The following NDST1 variants were observed in gnomAD, a reference collection of about 807,000 sequenced individuals.
NDST1 encodes the protein N-deacetylase and N-sulfotransferase 1, also known as bifunctional heparan sulfate N-deacetylase/N-sulfotransferase 1.
Under a neutral mutation model 92.8 loss-of-function variants are expected in NDST1, and 35 were observed. That is an observed-to-expected ratio of 0.38 (90% CI 0.29 to 0.50). The LOEUF is 0.50. Ranked by LOEUF, NDST1 falls within the 20% of genes least tolerant of loss-of-function variation. The probability of loss-of-function intolerance (pLI) is 0.94; values close to 1 mark genes in which losing one functional copy is unlikely to be tolerated. For missense variants in NDST1, 822 were observed against 1,182.7 expected, an observed-to-expected ratio of 0.69 and a Z score of 4.47; for synonymous variants, 493 against 500.3, an observed-to-expected ratio of 0.99 and a Z score of 0.19.
intron 1 of NDST1, among the ~76,000 whole-genome samples, chr5:150,519,821 C>T (rs929060403): frequency 6.6e-6 from 1 of 152,090 alleles, no homozygotes; most frequent in African/African-American, 2.4e-5. Context: ...ACAATTGGGG[C>T]CTTTGTGTCG....
chr5:150,539,196 A>C, intron 6 of NDST1, 32 bp from the exon 7 acceptor site: 4 of 1,541,444 alleles, frequency 2.6e-6, no homozygotes, highest in Non-Finnish European at 2.7e-6. Flanking sequence ...GCCAGAAGGC[A>C]CCATAGCTCC....
intron 1 of NDST1, among the ~76,000 whole-genome samples, chr5:150,502,531 G>T (rs1228935676): frequency 6.6e-6 from 1 of 152,048 alleles, no homozygotes; most frequent in Non-Finnish European, 1.5e-5. Flanking sequence ...GGAGGGGCAT[G>T]GTGCACATGG....
rs202203750 is a variant in NDST1, at chr5:150,541,606, T to G, written c.1786T>G (p.Ser596Ala). Residue 596 changes from serine to alanine, a missense_variant, in exon 9 of 15, where the codon TCC becomes GCC. Ser to Ala is a moderately conservative substitution (Grantham distance 99). Coordinates refer to ENST00000261797, the MANE Select transcript of NDST1 (RefSeq NM_001543.5). ...GGACAAACGTCACAAAGACATCTGG[T>G]CCAAGGAGAAGACGTGTGACCGCTT... ...CEDKRHKDIW[S>A]KEKTCDRFPK... 6.2e-7 allele frequency: 1 copy of G among 1,614,120 alleles called. No homozygotes were observed. The highest frequency in any genetic ancestry group is 8.5e-7 in the Non-Finnish European group (1 of 1,180,024).
intron 1 of NDST1, among the ~76,000 whole-genome samples, chr5:150,502,408 G>A (rs936368404): frequency 2.0e-5 from 3 of 152,196 alleles, no homozygotes; most frequent in African/African-American, 7.2e-5. Flanking sequence ...TGGAAGGACA[G>A]TTGGACAGTA....
Position 150,545,663 on chromosome 5 carries a change from G to T in NDST1, c.2145+177G>T, listed in dbSNP as rs570388169. 3.3e-5 allele frequency among the ~76,000 whole-genome samples: 5 copies of T among 152,372 alleles called. No individual in the cohort carries two copies. The East Asian group carries it at 9.6e-4, about 29-fold the overall frequency. The stretch of plus-strand genomic sequence containing the variant: ...GAGTCCTTGGTGGAGGAGACAGGCG[G>T]AAATGGAAAGCCAGCCACCAGTTGA... On this transcript the variant is annotated intron_variant, in intron 11 of 14. Coordinates refer to ENST00000261797, the MANE Select transcript of NDST1 (RefSeq NM_001543.5).
Position 150,534,908 on chromosome 5 carries a change from T to G in NDST1, c.1138T>G (p.Tyr380Asp). 1 of 1,614,256 alleles carries G rather than the reference T, an allele frequency of 6.2e-7. No individual in the cohort carries two copies. The highest frequency in any genetic ancestry group is 8.5e-7 in the Non-Finnish European group (1 of 1,180,040). Residue 380 changes from tyrosine to aspartate, a missense_variant, in exon 5 of 15, where the codon TAT becomes GAT. Transcript: ENST00000261797. ...CGCTGGGGATGATCTGCTGCTGTCGTATGTGAAGGAGTTCTGGTGGTTCCC... is the reference window on the plus strand; with the variant it reads ...CGCTGGGGATGATCTGCTGCTGTCGGATGTGAAGGAGTTCTGGTGGTTCCC... ...EDAGDDLLLSYVKEFWWFPHM... is the reference protein window; with the variant it reads ...EDAGDDLLLSDVKEFWWFPHM...
chr5:150,539,953 G>T, intron 7 of NDST1, 129 bp from the exon 8 acceptor site: 1 of 1,307,828 alleles, frequency 7.6e-7, no homozygotes, highest in Non-Finnish European at 1.1e-6. Flanking sequence ...TGTTGACAGC[G>T]CCAGCGTAAC....
upstream of NDST1, among the ~76,000 whole-genome samples, chr5:150,505,860 G>A (rs1202790695): frequency 6.6e-6 from 1 of 152,096 alleles, no homozygotes; most frequent in African/African-American, 2.4e-5. Context: ...GCTCACTGCG[G>A]CCTTGAATGC....
chr5:150,552,890 A>G (rs1755783254), intron 14 of NDST1, among the ~76,000 whole-genome samples: 1 of 152,130 alleles, frequency 6.6e-6, no homozygotes, highest in African/African-American at 2.4e-5. Flanking sequence ...TTTGTCACCC[A>G]GGCTGGAGTG....
chr5:150,545,337 T>G lies in NDST1; in HGVS notation c.1996T>G (p.Ser666Ala). The change falls in exon 11 of 15, where the codon TCC becomes GCC. Residue 666 changes from serine to alanine, a missense_variant. By Grantham distance (99) the Ser-to-Ala change is moderately conservative. Coordinates refer to ENST00000261797, the MANE Select transcript of NDST1 (RefSeq NM_001543.5). ...DWYMEFFPIP[S>A]NTTSDFYFEK... ...GTACATGGAGTTCTTCCCCATCCCTTCCAACACCACCTCCGACTTCTACTT... is the reference window on the plus strand; with the variant it reads ...GTACATGGAGTTCTTCCCCATCCCTGCCAACACCACCTCCGACTTCTACTT... The G allele has an allele frequency of 6.2e-7, 1 of 1,614,226 alleles. No homozygotes were observed. The highest frequency in any genetic ancestry group is 1.7e-5 in the Admixed American group (1 of 60,032).
Position 150,551,846 on chromosome 5 carries a change from G to A in NDST1, c.2520G>A (p.Met840Ile). Reference sequence around the variant, plus strand: ...GCAAGGGCCGGAAATATCCCGAGATGGACTTGGATGTAAGTGGTGGACACA... The same window carrying A: ...GCAAGGGCCGGAAATATCCCGAGATAGACTTGGATGTAAGTGGTGGACACA... ...GKSKGRKYPEMDLDSRAFLKD... is the reference protein window; with the variant it reads ...GKSKGRKYPEIDLDSRAFLKD... The change falls in exon 14 of 15, where the codon ATG becomes ATA. Residue 840 changes from methionine (M) to isoleucine (I), a missense_variant. Transcript: ENST00000261797. The A allele has an allele frequency of 6.2e-7, 1 of 1,613,140 alleles. No homozygotes were observed. The highest frequency in any genetic ancestry group is 8.5e-7 in the Non-Finnish European group (1 of 1,179,254).
intron 4 of NDST1, among the ~76,000 whole-genome samples, chr5:150,534,065 A>G (rs1754870113): frequency 6.7e-6 from 1 of 149,654 alleles, no homozygotes; most frequent in South Asian, 2.1e-4. Flanking sequence ...CCTGGGTGAC[A>G]GAGTAAGACT....
chr5:150,545,241 C>A, intron 10 of NDST1, 71 bp from the exon 11 acceptor site: 1 of 1,567,802 alleles, frequency 6.4e-7, no homozygotes, highest in Non-Finnish European at 8.8e-7. Flanking sequence ...GTGCCTCGCC[C>A]TTGTGCTGCA....
intron 1 of NDST1, among the ~76,000 whole-genome samples, chr5:150,516,618 T>G (rs772416236): frequency 2.0e-5 from 3 of 152,188 alleles, no homozygotes; most frequent in Non-Finnish European, 4.4e-5. Context: ...TCTAGGACTT[T>G]AGGTCTGTGG....
rs1005315920 is a variant in NDST1, at chr5:150,554,093, G to T, written c.*761G>T. 2.5e-6 allele frequency: 1 copy of T among 401,724 alleles called. No homozygotes were observed. Among genetic ancestry groups the T allele is most frequent in the African/African-American group, 2.1e-5 (1 of 48,528 alleles). The allele number at this position is 401,724 out of a possible 1,614,324, so 24.9% of individuals were successfully genotyped here. A position where few individuals can be genotyped will look rare whatever the true frequency, so the allele number is the denominator to read the frequency against. Reference sequence around the variant, plus strand: ...GGTAAAAGACTGAGGCAGGCCAGGGGTCTGCCAGTAACATGTTCCCATGTA... The same window carrying T: ...GGTAAAAGACTGAGGCAGGCCAGGGTTCTGCCAGTAACATGTTCCCATGTA... On this transcript the variant is annotated 3_prime_UTR_variant, in exon 15 of 15. Coordinates refer to ENST00000261797, the MANE Select transcript of NDST1 (RefSeq NM_001543.5).
intron 1 of NDST1, among the ~76,000 whole-genome samples, chr5:150,520,076 C>T (rs921032215): frequency 2.6e-4 from 39 of 152,194 alleles, no homozygotes; most frequent in African/African-American, 8.7e-4. Flanking sequence ...CCTGTGGGTA[C>T]GTACCCCGAG....
In NDST1 at chr5:150,521,583, A is replaced by G; in HGVS notation, c.329A>G (p.Lys110Arg). ...GCCATCCTGGAGTCCAGCCGCTTCA[A>G]ATACCGCACAGAGATTGCGCCGGGC... is the stretch of plus-strand genomic sequence containing the variant. ...VVAILESSRF[K>R]YRTEIAPGKG... Residue 110 changes from lysine (K) to arginine (R), a missense_variant, in exon 2 of 15, where the codon AAA (lysine) becomes AGA (arginine). Lys to Arg is a conservative substitution (Grantham distance 26, BLOSUM62 2). Transcript: ENST00000261797. This position sits in a 1 kb window ranked among gnomAD's most constrained non-coding sequence, Gnocchi z 5.9. 1.2e-6 allele frequency: 2 copies of G among 1,613,998 alleles called. No homozygotes were observed. The highest frequency in any genetic ancestry group is 1.3e-5 in the African/African-American group (1 of 75,034).
rs753638855 is a variant in NDST1 at position 150,555,753 on chromosome 5, G to C, written c.*2421G>C. ...CTCGCAGAGCATGGAAGGCAGGAGA[G>C]GTGGGCTGGCCTAGGGCAGGAGCTC... is the stretch of plus-strand genomic sequence containing the variant. On this transcript the variant is annotated 3_prime_UTR_variant, in exon 15 of 15. Coordinates refer to ENST00000261797, the MANE Select transcript of NDST1 (RefSeq NM_001543.5). The C allele has an allele frequency of 1.3e-5, 2 of 152,278 alleles. No individual in the cohort carries two copies. Among genetic ancestry groups the C allele is most frequent in the Non-Finnish European group, 2.9e-5 (2 of 68,068 alleles). The allele number at this position is 152,278 out of a possible 1,614,324, so 9.4% of individuals were successfully genotyped here.
intron 6 of NDST1, among the ~76,000 whole-genome samples, chr5:150,537,066 G>T (rs1438121501): frequency 2.0e-5 from 3 of 152,246 alleles, no homozygotes; most frequent in Non-Finnish European, 4.4e-5. Context: ...AGATTTCATG[G>T]ACATTTATCG....
Sources: allele counts gnomAD v4.1 joint callset (sites outside exome capture counted in the v4.1 genomes callset), GRCh38; gene constraint gnomAD v4.1.1; non-coding constraint Gnocchi (gnomAD v3.1); transcripts MANE v1.5; gene names NCBI Gene and HGNC (gene_info 2026-07-23, HGNC 2026-07-21).